GPHN: variants seen among roughly 807,000 people sequenced by gnomAD.
GPHN encodes gephyrin.
A neutral mutation model predicts 95.5 loss-of-function variants in GPHN; 17 were observed. The observed-to-expected ratio is 0.18, with a 90% CI of 0.12 to 0.27. The LOEUF is 0.27. GPHN is among the 10% of genes least tolerant of loss of function. The pLI, the probability that GPHN is intolerant of heterozygous loss-of-function variation, is 1.00. For synonymous variants in GPHN, 320 were observed against 322.5 expected (o/e 0.99, Z 0.08); for missense variants, 660 against 978.1 (o/e 0.67, Z 4.34).
intron 9 of GPHN, among the ~76,000 whole-genome samples, chr14:67,004,508 G>A (rs985591991): frequency 1.3e-5 from 2 of 151,734 alleles, no homozygotes; most frequent in Non-Finnish European, 1.5e-5. Context: ...CATAATGTAT[G>A]AATTCAGGCT....
chr14:67,623,762 G>A, the GPHN span, among the ~76,000 whole-genome samples: 5 of 152,044 alleles, frequency 3.3e-5, no homozygotes, highest in African/African-American at 7.2e-5. Context: ...GGCTGATCTC[G>A]AACTCCTGAC....
At position 66,508,148 on chromosome 14, in the gene GPHN, C is replaced by G. The variant is rs952901195; in HGVS notation, c.-380C>G. 2.2e-6 allele frequency: 1 copy of G among 452,316 alleles called. No individual in the cohort carries two copies. The highest frequency in any genetic ancestry group is 4.1e-5 in the East Asian group (1 of 24,406). 28.0% of individuals were successfully genotyped at this position (452,316 alleles called of 1,614,324 possible). Reference sequence around the variant, plus strand: ...CGCAACCTCCAGAGCGTGTGCTATCCTTTCCTCTCAGTCCTGCCATCTAGC... The same window carrying G: ...CGCAACCTCCAGAGCGTGTGCTATCGTTTCCTCTCAGTCCTGCCATCTAGC... On this transcript the variant is annotated 5_prime_UTR_variant, in exon 1 of 23. Coordinates refer to ENST00000478722, the MANE Select transcript of GPHN (RefSeq NM_020806.5).
At chr14:67,372,688 C>T in the GPHN span, among the ~76,000 whole-genome samples, 1 of 151,896 alleles carries the variant, frequency 6.6e-6, no homozygotes, top group African/African-American at 2.4e-5. Flanking sequence ...AATTAGCGGG[C>T]ATAGTGGTGC....
At chr14:67,657,507 A>T in the GPHN span, among the ~76,000 whole-genome samples, 1 of 152,144 alleles carries the variant, frequency 6.6e-6, no homozygotes, top group African/African-American at 2.4e-5. Flanking sequence ...AGCAGGAAGA[A>T]AAAAGTAGCC....
At chr14:66,874,995 G>A (rs1420284979) in intron 4 of GPHN, among the ~76,000 whole-genome samples, 1 of 152,120 alleles carries the variant, frequency 6.6e-6, no homozygotes, top group Non-Finnish European at 1.5e-5. Flanking sequence ...TAAATGGTAA[G>A]GGCAGCCAGA....
At chr14:67,323,605 C>T in the GPHN span, 4 of 280,862 alleles carry the variant, frequency 1.4e-5, no homozygotes, top group African/African-American at 9.8e-5. Context: ...CAGAGCAAGT[C>T]CCTTAATCTA....
the GPHN span, among the ~76,000 whole-genome samples, chr14:67,232,567 T>G: frequency 6.6e-6 from 1 of 152,214 alleles, no homozygotes; most frequent in Non-Finnish European, 1.5e-5. Context: ...CATTTATCTC[T>G]ACTTCTACTA....
chr14:67,382,012 A>G, the GPHN span, among the ~76,000 whole-genome samples: 1 of 152,082 alleles, frequency 6.6e-6, no homozygotes, highest in Non-Finnish European at 1.5e-5. Flanking sequence ...ACTTTCTTCT[A>G]TCTGTACACA....
intron 1 of GPHN, among the ~76,000 whole-genome samples, chr14:66,626,837 C>A (rs903637370): frequency 6.6e-6 from 1 of 152,018 alleles, no homozygotes; most frequent in Non-Finnish European, 1.5e-5. Context: ...ATGAGATTCT[C>A]ATGGAAAATC....
At chr14:67,296,662 T>C in the GPHN span, among the ~76,000 whole-genome samples, 1 of 151,332 alleles carries the variant, frequency 6.6e-6, no homozygotes, top group Non-Finnish European at 1.5e-5. Context: ...ATTTATGCTA[T>C]GATGGATTAC....
the GPHN span, among the ~76,000 whole-genome samples, chr14:67,553,000 G>C: frequency 6.6e-6 from 1 of 152,216 alleles, no homozygotes; most frequent in Non-Finnish European, 1.5e-5. Flanking sequence ...GCGATTTCTG[G>C]TTCTGACCAA....
intron 2 of GPHN, among the ~76,000 whole-genome samples, chr14:66,740,545 TAAA>T (rs371122417): frequency 7.1e-6 from 1 of 141,034 alleles, no homozygotes; most frequent in Non-Finnish European, 1.6e-5. Flanking sequence ...ATTTAGTACT[TAAA>T]AAAAAAAAAA....
chr14:67,336,502 G>A, the GPHN span: 100 of 287,922 alleles, frequency 3.5e-4, no homozygotes, highest in Middle Eastern at 1.2e-3. Context: ...AGAAATCTAG[G>A]GTCCTTTGGC....
chr14:67,401,489 G>A, the GPHN span, among the ~76,000 whole-genome samples: 1 of 152,024 alleles, frequency 6.6e-6, no homozygotes, highest in African/African-American at 2.4e-5. Context: ...TGCAGCCTGG[G>A]CAACAGAGTG....
intron 2 of GPHN, among the ~76,000 whole-genome samples, chr14:66,747,573 G>T (rs572525012): frequency 6.6e-6 from 1 of 151,552 alleles, no homozygotes; most frequent in Non-Finnish European, 1.5e-5. Context: ...TTCTCAGGAC[G>T]GGTTAATAGA....
At chr14:66,845,092 T>A (rs1238023681) in intron 4 of GPHN, among the ~76,000 whole-genome samples, 1 of 152,206 alleles carries the variant, frequency 6.6e-6, no homozygotes, top group Non-Finnish European at 1.5e-5. Context: ...TTCCACTGTA[T>A]GTATATACCA....
At chr14:66,967,122 C>A (rs2069389215) in intron 9 of GPHN, among the ~76,000 whole-genome samples, 1 of 151,684 alleles carries the variant, frequency 6.6e-6, no homozygotes, top group Non-Finnish European at 1.5e-5. Context: ...GATTATATTT[C>A]TTTTGAATAA....
chr14:66,970,945 A>T (rs769808307), intron 9 of GPHN, among the ~76,000 whole-genome samples: 1 of 152,324 alleles, frequency 6.6e-6, no homozygotes, highest in Middle Eastern at 3.4e-3. Context: ...TTTCTCAAAC[A>T]TACTGGTCTC....
At chr14:67,045,505 TTC>T (rs1384883066) in intron 10 of GPHN, among the ~76,000 whole-genome samples, 1 of 149,970 alleles carries the variant, frequency 6.7e-6, no homozygotes, top group South Asian at 2.1e-4. Flanking sequence ...GTCTTTGTCT[TTC>T]TCTGTCTGTC....
Sources: gnomAD v4.1 joint callset for allele counts (sites outside exome capture counted in the v4.1 genomes callset) on GRCh38, gnomAD v4.1.1 for gene constraint, MANE v1.5 for transcripts, NCBI Gene and HGNC (gene_info 2026-07-23, HGNC 2026-07-21) for gene names.